Variants in NLRP13 observed in about 807,000 individuals in gnomAD.
NLRP13 encodes the protein NLR family pyrin domain containing 13.
A neutral mutation model predicts 94.4 loss-of-function variants in NLRP13; 82 were observed. That is an observed-to-expected ratio of 0.87 (90% CI 0.73 to 1.04). NLRP13 has a LOEUF of 1.04. NLRP13 is among the 50% of genes least tolerant of loss of function. NLRP13 has a pLI of 0.00. For synonymous variants in NLRP13, 553 were observed against 464.7 expected, an observed-to-expected ratio of 1.19 and a Z score of -2.45; for missense variants, 1,426 against 1,230.8, an observed-to-expected ratio of 1.16 and a Z score of -2.37.
chr19:55,908,747 G>A (rs376489256), intron 6 of NLRP13, among the ~76,000 whole-genome samples: 1 of 152,144 alleles, frequency 6.6e-6, no homozygotes, highest in East Asian at 1.9e-4. Flanking sequence ...ACATAGTGAG[G>A]AACACTGGGG....
intron 4 of NLRP13, among the ~76,000 whole-genome samples, chr19:55,922,310 T>TA (rs1282508753): frequency 6.6e-6 from 1 of 152,004 alleles, no homozygotes; most frequent in African/African-American, 2.4e-5. Flanking sequence ...GTTTTTTTTT[T>TA]ATTGTTGTTT....
Position 55,911,880 on chromosome 19 carries a change from T to A in NLRP13, c.1937A>T (p.Gln646Leu), listed in dbSNP as rs763977890. Residue 646 changes from glutamine to leucine, a missense_variant, in exon 5 of 11, where the codon CAG (glutamine) becomes CTG (leucine). By Grantham distance (113) the Gln-to-Leu change is moderately radical. Coordinates refer to ENST00000342929, the MANE Select transcript of NLRP13 (RefSeq NM_176810.2). ...CATCTTCTTTGTGAAGTCTTCCTCCTGGGACTCGTGTAGGCAGTGAAAAAG... is the reference window on the plus strand; with the variant it reads ...CATCTTCTTTGTGAAGTCTTCCTCCAGGGACTCGTGTAGGCAGTGAAAAAG... ...LRLFHCLHES[Q>L]EEDFTKKMLG... 2 of 1,614,212 alleles carry A rather than the reference T, an allele frequency of 1.2e-6. No homozygotes were observed. Among genetic ancestry groups the A allele is most frequent in the Non-Finnish European group, 8.5e-7 (1 of 1,180,022 alleles).
At chr19:55,921,956 A>G (rs959609215) in intron 4 of NLRP13, among the ~76,000 whole-genome samples, 1 of 152,220 alleles carries the variant, frequency 6.6e-6, no homozygotes, top group African/African-American at 2.4e-5. Context: ...GACATACCCA[A>G]GAGTAGGTAA....
In NLRP13 at chr19:55,912,280, T is replaced by G; in HGVS notation, c.1537A>C (p.Ile513Leu). Residue 513 changes from isoleucine to leucine, a missense_variant, in exon 5 of 11, where the codon ATT (isoleucine) becomes CTT (leucine). Transcript: ENST00000342929. ...ATATTGAACTCGTAGAGAGAATCAA[T>G]GAAAGGCACTTCCAGGCCCTCGATC... ...TEIEGLEVPF[I>L]DSLYEFNILQ... 6.2e-7 allele frequency: 1 copy of G among 1,614,136 alleles called. No homozygotes were observed. Among genetic ancestry groups the G allele is most frequent in the Non-Finnish European group, 8.5e-7 (1 of 1,180,024 alleles).
At chr19:55,910,942 G>A (rs958046830) in intron 5 of NLRP13, among the ~76,000 whole-genome samples, 1 of 152,148 alleles carries the variant, frequency 6.6e-6, no homozygotes, top group East Asian at 1.9e-4. Flanking sequence ...GTGAAGCCCC[G>A]TCTGTACTAA....
Position 55,898,828 on chromosome 19 carries a change from C to T in NLRP13, c.2899G>A (p.Asp967Asn). Residue 967 changes from aspartate to asparagine, a missense_variant, in exon 10 of 11, where the codon GAT becomes AAT. Coordinates refer to ENST00000342929, the MANE Select transcript of NLRP13 (RefSeq NM_176810.2). ...GCCTCACACAGTAGCTTCACTCCAT[C>T]ATCCTGAAGATCATTTTCTCCCAAA... ...LDLGENDLQD[D>N]GVKLLCEALK... 4 of 1,613,876 alleles carry T rather than the reference C, an allele frequency of 2.5e-6. No individual in the cohort carries two copies. The South Asian group carries it at 4.4e-5, about 18-fold the overall frequency.
Position 55,912,101 on chromosome 19 carries a change from G to T in NLRP13, c.1716C>A (p.His572Gln). The T allele has an allele frequency of 6.2e-7, 1 of 1,614,186 alleles. No individual in the cohort carries two copies. The highest frequency in any genetic ancestry group is 1.1e-5 in the South Asian group (1 of 91,084). The change falls in exon 5 of 11, where the codon CAC (histidine) becomes CAA (glutamine). Residue 572 changes from histidine to glutamine, a missense_variant. By Grantham distance (24) the His-to-Gln change is conservative (BLOSUM62 0). Coordinates refer to ENST00000342929, the MANE Select transcript of NLRP13 (RefSeq NM_176810.2). The stretch of plus-strand genomic sequence containing the variant: ...AGTAGGCTTCTTTGTCAAGCAAGAC[G>T]TGTTGCAGTAACATCTTCATCTCTT... ...KPQEMKMLLQ[H>Q]VLLDKEAYWT...
chr19:55,929,845 T>C (rs1050632250), intron 1 of NLRP13, among the ~76,000 whole-genome samples: 11 of 151,382 alleles, frequency 7.3e-5, no homozygotes, highest in African/African-American at 2.7e-4. Context: ...AAGCATGCAA[T>C]AGAGAAATCA....
At chr19:55,921,744 G>T (rs1986833267) in intron 4 of NLRP13, among the ~76,000 whole-genome samples, 2 of 152,110 alleles carry the variant, frequency 1.3e-5, no homozygotes, top group African/African-American at 4.8e-5. Context: ...GGGAGATGAG[G>T]CACAGACACT....
chr19:55,901,246 G>A (rs1359097139), intron 9 of NLRP13, among the ~76,000 whole-genome samples: 7 of 152,206 alleles, frequency 4.6e-5, no homozygotes, highest in African/African-American at 1.7e-4. Context: ...GTCGCCACGA[G>A]AGCACATAGA....
chr19:55,913,080 A>G lies in NLRP13; in HGVS notation c.737T>C (p.Met246Thr). The part of the protein sequence containing the change: ...RAGVGKTTLA[M>T]QAMLHWANGV... ...ATTTGCCCAGTGCAGCATAGCCTGC[A>G]TTGCCAAGGTGGTCTTCCCAACCCC... Residue 246 changes from methionine (M) to threonine (T), a missense_variant, in exon 5 of 11, where the codon ATG (methionine) becomes ACG (threonine). Coordinates refer to ENST00000342929, the MANE Select transcript of NLRP13 (RefSeq NM_176810.2). 2 of 1,614,170 alleles carry G rather than the reference A, an allele frequency of 1.2e-6. No homozygotes were observed. Among genetic ancestry groups the G allele is most frequent in the South Asian group, 1.1e-5 (1 of 91,086 alleles).
intron 10 of NLRP13, among the ~76,000 whole-genome samples, chr19:55,898,202 TTTTG>T (rs371754377): frequency 2.9e-4 from 13 of 44,086 alleles, no homozygotes; most frequent in East Asian, 2.4e-3. Flanking sequence ...GAGTTTTTGT[TTTTG>T]TTTTTGTTTT....
Position 55,912,764 on chromosome 19 carries a change from TTTC to T in NLRP13, c.1050_1052del (p.Lys351del). The T allele has an allele frequency of 1.2e-6, 2 of 1,614,204 alleles. No individual in the cohort carries two copies. Among genetic ancestry groups the T allele is most frequent in the South Asian group, 2.2e-5 (2 of 91,088 alleles). On this transcript the variant is annotated inframe_deletion, in exon 5 of 11. Transcript: ENST00000342929. ...GTAAGGTAGCCAGGGGAACCAATTC[TTTC>T]TTCAACAAGCTGTGTAGGATTTTGG...
Position 55,902,088 on chromosome 19 carries a change from G to A in NLRP13, c.2736C>T (p.Val912=), listed in dbSNP as rs2123108237. Residue 912 remains valine, a synonymous_variant, in exon 9 of 11, where the codon GTC becomes GTT. Transcript: ENST00000342929. The part of the protein sequence containing the change: ...LSKNSLRDEG[V]KFLCEALGRP... ...GACCCAAGGCCTCACACAGGAACTT[G>A]ACTCCCTCGTCTCTCAGGCTGTTCT... The A allele has an allele frequency of 6.2e-7, 1 of 1,614,144 alleles. No homozygotes were observed. The highest frequency in any genetic ancestry group is 2.2e-5 in the East Asian group (1 of 44,872).
intron 1 of NLRP13, among the ~76,000 whole-genome samples, chr19:55,925,555 A>T (rs1386178618): frequency 6.6e-6 from 1 of 152,190 alleles, no homozygotes; most frequent in Non-Finnish European, 1.5e-5. Flanking sequence ...AGCCACTCTA[A>T]TATCTTTGGA....
downstream of NLRP13, chr19:55,892,207 C>G: frequency 2.0e-6 from 2 of 1,022,446 alleles, no homozygotes. Flanking sequence ...GGAACACGTA[C>G]AGGTTTGTTA....
intron 9 of NLRP13, 41 bp downstream of exon 9, chr19:55,901,994 C>T (rs761783776): frequency 2.5e-6 from 4 of 1,604,832 alleles, no homozygotes; most frequent in Non-Finnish European, 3.4e-6. Context: ...TCCCATGGCT[C>T]TCCTCCATCT....
chr19:55,894,779 G>T (rs1985955827), downstream of NLRP13, among the ~76,000 whole-genome samples: 1 of 152,132 alleles, frequency 6.6e-6, no homozygotes, highest in African/African-American at 2.4e-5. Flanking sequence ...ATGGTGCTTG[G>T]CCCAGAGTCG....
At chr19:55,899,188 C>A (rs554800805) in intron 9 of NLRP13, among the ~76,000 whole-genome samples, 2 of 152,144 alleles carry the variant, frequency 1.3e-5, no homozygotes, top group East Asian at 3.9e-4. Flanking sequence ...GGTGCATGAA[C>A]GTGAAGGGCC....
Sources: gnomAD v4.1 joint callset for allele counts (sites outside exome capture counted in the v4.1 genomes callset) on GRCh38, gnomAD v4.1.1 for gene constraint, MANE v1.5 for transcripts, NCBI Gene and HGNC (gene_info 2026-07-23, HGNC 2026-07-21) for gene names.